The following NKAIN3 variants were observed in gnomAD, a reference collection of about 807,000 sequenced individuals.
The protein encoded by NKAIN3 is sodium/potassium-transporting ATPase subunit beta-1-interacting protein 3.
NKAIN3 carries 25 observed loss-of-function variants against 30.2 expected under a neutral mutation model. That is an observed-to-expected ratio of 0.83 (90% CI 0.60 to 1.16). NKAIN3 has a LOEUF of 1.16. Ranked by LOEUF, NKAIN3 falls within the 50% of genes most tolerant of loss-of-function variation. The probability of loss-of-function intolerance (pLI) is 0.00; values close to 1 mark genes in which losing one functional copy is unlikely to be tolerated. For missense variants in NKAIN3, 225 were observed against 254.1 expected, an observed-to-expected ratio of 0.89 and a Z score of 0.78; for synonymous variants, 91 against 89.6, an observed-to-expected ratio of 1.02 and a Z score of -0.09.
At chr8:62,767,965 C>T (rs1816895834) in intron 4 of NKAIN3, among the ~76,000 whole-genome samples, 1 of 151,574 alleles carries the variant, frequency 6.6e-6, no homozygotes, top group Non-Finnish European at 1.5e-5. Context: ...TTAATTTTAC[C>T]TGTTTCTTTA....
At chr8:62,867,703 G>A (rs1820471442) in intron 4 of NKAIN3, among the ~76,000 whole-genome samples, 1 of 152,200 alleles carries the variant, frequency 6.6e-6, no homozygotes, top group South Asian at 2.1e-4. Context: ...CCCAGTAGCA[G>A]AAACATTAGC....
At chr8:62,734,294 C>T (rs939985096) in intron 3 of NKAIN3, among the ~76,000 whole-genome samples, 11 of 152,136 alleles carry the variant, frequency 7.2e-5, no homozygotes, top group Non-Finnish European at 1.5e-4. Context: ...AACAAACAAA[C>T]AAACAAAACT....
At chr8:62,361,454 T>C (rs1816559861) in intron 1 of NKAIN3, among the ~76,000 whole-genome samples, 1 of 152,244 alleles carries the variant, frequency 6.6e-6, no homozygotes, top group East Asian at 1.9e-4. Context: ...TTTAAGTGTT[T>C]GTAGAATGAT....
chr8:62,318,577 TC>T lies in NKAIN3; in HGVS notation c.54+69451del, dbSNP rs1202945433. On this transcript the variant is annotated intron_variant, in intron 1 of 6. Transcript: ENST00000623646. ...ATCATGTGGTTTTTGTCATTGGTTC[TC>T]TATTGAGATAATCATGTGGTTTTTG... Among the ~76,000 whole-genome samples the T allele has an allele frequency of 8.0e-3, 1,219 of 152,062 alleles. 23 individuals are homozygous for T. The highest frequency in any genetic ancestry group is 0.028 in the African/African-American group (1,152 of 41,318).
intron 3 of NKAIN3, among the ~76,000 whole-genome samples, chr8:62,631,790 C>G (rs572091343): frequency 4.8e-4 from 73 of 152,248 alleles, no homozygotes; most frequent in African/African-American, 1.7e-3. Context: ...CTAAAAATTT[C>G]TCTTCTCTTC....
chr8:62,622,066 G>A (rs1811633206), intron 3 of NKAIN3, among the ~76,000 whole-genome samples: 1 of 151,970 alleles, frequency 6.6e-6, no homozygotes, highest in Non-Finnish European at 1.5e-5. Flanking sequence ...AGCCTTTAGG[G>A]ATGAGCTCTT....
At chr8:62,580,887 T>A (rs1810265373) in intron 2 of NKAIN3, among the ~76,000 whole-genome samples, 1 of 141,400 alleles carries the variant, frequency 7.1e-6, no homozygotes. Context: ...GCTCAGGAGT[T>A]CAAGAGCAGC....
At chr8:62,604,109 C>G (rs564196792) in intron 3 of NKAIN3, among the ~76,000 whole-genome samples, 2 of 152,166 alleles carry the variant, frequency 1.3e-5, no homozygotes, top group East Asian at 3.9e-4. Context: ...AGATTCCATC[C>G]TTCCATGTCC....
At chr8:62,997,632 A>G (rs1804147870) in intron 5 of NKAIN3, among the ~76,000 whole-genome samples, 2 of 152,174 alleles carry the variant, frequency 1.3e-5, no homozygotes, top group Admixed American at 1.3e-4. Context: ...TGGATAATTC[A>G]CTTAACATTA....
At chr8:62,646,733 AC>A (rs1586045602) in intron 3 of NKAIN3, among the ~76,000 whole-genome samples, 1 of 152,184 alleles carries the variant, frequency 6.6e-6, no homozygotes, top group African/African-American at 2.4e-5. Context: ...TAAGTTGTAA[AC>A]AGAGCAAAAA....
intron 1 of NKAIN3, among the ~76,000 whole-genome samples, chr8:62,411,600 AG>A (rs930742401): frequency 3.9e-5 from 6 of 152,242 alleles, no homozygotes; most frequent in African/African-American, 1.4e-4. Context: ...AAATAGGAAA[AG>A]AAGATGTCAA....
chr8:62,278,611 G>C (rs1813049441), intron 1 of NKAIN3, among the ~76,000 whole-genome samples: 1 of 151,930 alleles, frequency 6.6e-6, no homozygotes, highest in African/African-American at 2.4e-5. Flanking sequence ...TCACACCTAT[G>C]AGTGAGAACA....
chr8:62,895,886 C>A (rs930868838), intron 4 of NKAIN3, among the ~76,000 whole-genome samples: 1 of 152,138 alleles, frequency 6.6e-6, no homozygotes, highest in Non-Finnish European at 1.5e-5. Context: ...GTCCTTGCTT[C>A]CAGTTTCCTT....
rs185486797 is a variant in NKAIN3 at position 62,808,381 on chromosome 8, T to G, written c.471+61252T>G. ...ATAGTTATTCTAGTGTAACACTATT[T>G]TCTTCAGTGCATCATCATCTGGTGT... On this transcript the variant is annotated intron_variant, in intron 4 of 6. Coordinates refer to ENST00000623646, the MANE Select transcript of NKAIN3 (RefSeq NM_001304533.3). 5.5e-3 allele frequency among the ~76,000 whole-genome samples: 834 copies of G among 152,338 alleles called. 6 individuals carry two copies. The highest frequency in any genetic ancestry group is 0.019 in the African/African-American group (800 of 41,576).
intron 1 of NKAIN3, among the ~76,000 whole-genome samples, chr8:62,467,254 T>C (rs1806190226): frequency 6.6e-6 from 1 of 152,206 alleles, no homozygotes; most frequent in African/African-American, 2.4e-5. Flanking sequence ...CCTCATACTA[T>C]TTCATTGCAT....
At chr8:62,613,606 T>A (rs1811357423) in intron 3 of NKAIN3, among the ~76,000 whole-genome samples, 1 of 152,186 alleles carries the variant, frequency 6.6e-6, no homozygotes, top group South Asian at 2.1e-4. Flanking sequence ...GAGTAAACTT[T>A]CTACTCATGT....
chr8:62,347,273 ATGTAT>A, intron 1 of NKAIN3, among the ~76,000 whole-genome samples: 1 of 152,274 alleles, frequency 6.6e-6, no homozygotes, highest in East Asian at 1.9e-4. Context: ...AAAGAGAACA[ATGTAT>A]TGGTGGTTGT....
At chr8:62,611,119 T>A (rs1563482684) in intron 3 of NKAIN3, among the ~76,000 whole-genome samples, 1 of 152,096 alleles carries the variant, frequency 6.6e-6, no homozygotes, top group Non-Finnish European at 1.5e-5. Context: ...AAATTTAGAG[T>A]CAATTCTACC....
At chr8:62,486,534 G>C (rs1806908695) in intron 1 of NKAIN3, among the ~76,000 whole-genome samples, 1 of 152,038 alleles carries the variant, frequency 6.6e-6, no homozygotes, top group African/African-American at 2.4e-5. Context: ...TAAGTTTTAT[G>C]TCTGGTGTAG....
Sources: allele counts gnomAD v4.1 joint callset (sites outside exome capture counted in the v4.1 genomes callset), GRCh38; gene constraint gnomAD v4.1.1; transcripts MANE v1.5; gene names NCBI Gene and HGNC (gene_info 2026-07-23, HGNC 2026-07-21).